Variants in PCDH9 observed in about 807,000 individuals in gnomAD.
PCDH9 encodes protocadherin-9.
Under a neutral mutation model 70.6 loss-of-function variants are expected in PCDH9, and 24 were observed. The ratio of observed to expected loss-of-function variants is 0.34; its 90% CI spans 0.25 to 0.48. The LOEUF (loss-of-function observed/expected upper bound fraction) is 0.48, where lower values mean the gene tolerates loss of function less well. Among genes scored for constraint, PCDH9 ranks in the 20% least tolerant of loss-of-function variants. The pLI is 0.99. For missense variants in PCDH9, 1,281 were observed against 1,503.6 expected, an observed-to-expected ratio of 0.85 and a Z score of 2.45; for synonymous variants, 562 against 558.5, an observed-to-expected ratio of 1.01 and a Z score of -0.09.
intron 3 of PCDH9, among the ~76,000 whole-genome samples, chr13:66,740,404 G>A (rs978894771): frequency 1.0e-5 from 1 of 99,794 alleles, no homozygotes; most frequent in Non-Finnish European, 2.1e-5. Flanking sequence ...ATCCAAAATT[G>A]ACACCCTAAC....
chr13:66,950,986 C>G (rs1017802318), intron 2 of PCDH9, among the ~76,000 whole-genome samples: 1 of 151,928 alleles, frequency 6.6e-6, no homozygotes, highest in Non-Finnish European at 1.5e-5. Flanking sequence ...TGAATTTTAT[C>G]ATTTAATTTA....
rs1341406078 is a variant in PCDH9, at chr13:67,226,081, A to G, written c.2360T>C (p.Leu787Ser). Residue 787 changes from leucine (L) to serine (S), a missense_variant, in exon 2 of 5, where the codon TTG (leucine) becomes TCG (serine). Leu to Ser is a moderately radical substitution (Grantham distance 145). Transcript: ENST00000377865. The surrounding 1 kb of genome is among the most constrained non-coding windows in gnomAD (Gnocchi z 5.0). ...TAGNASYIYD[L>S]IRRTMETPLD... ...CGGGGTCTCCATAGTCCTGCGGATC[A>G]AGTCATAGATATAGGAGGCATTTCC... 5 of 1,613,978 alleles carry G rather than the reference A, an allele frequency of 3.1e-6. No homozygotes were observed. Among genetic ancestry groups the G allele is most frequent in the Non-Finnish European group, 4.2e-6 (5 of 1,179,998 alleles).
At chr13:66,376,440 C>T (rs2138229756) in intron 4 of PCDH9, among the ~76,000 whole-genome samples, 1 of 151,940 alleles carries the variant, frequency 6.6e-6, no homozygotes, top group African/African-American at 2.4e-5. Flanking sequence ...TCTTTTTTTG[C>T]AGTTGTTCTC....
chr13:67,000,501 A>T (rs1473829624), intron 2 of PCDH9, among the ~76,000 whole-genome samples: 3 of 151,904 alleles, frequency 2.0e-5, no homozygotes, highest in African/African-American at 7.2e-5. Flanking sequence ...ATAAAATAAA[A>T]AAAAGACTTT....
intron 3 of PCDH9, among the ~76,000 whole-genome samples, chr13:66,749,361 G>A (rs1011485218): frequency 5.3e-5 from 8 of 152,234 alleles, no homozygotes; most frequent in Non-Finnish European, 7.4e-5. Flanking sequence ...TGCACCCACC[G>A]CAGGAGGAAT....
chr13:66,654,536 T>C (rs965989750), intron 3 of PCDH9, among the ~76,000 whole-genome samples: 6 of 152,190 alleles, frequency 3.9e-5, no homozygotes, highest in African/African-American at 1.4e-4. Context: ...GTTATCCTGA[T>C]GTGATTATTA....
intron 2 of PCDH9, among the ~76,000 whole-genome samples, chr13:66,974,886 T>C (rs1306562187): frequency 6.6e-6 from 1 of 152,048 alleles, no homozygotes; most frequent in Non-Finnish European, 1.5e-5. Context: ...TCACCTTTTC[T>C]GCAACAGTGT....
intron 2 of PCDH9, among the ~76,000 whole-genome samples, chr13:67,128,456 G>A (rs1480640722): frequency 3.3e-5 from 5 of 152,070 alleles, no homozygotes; most frequent in Admixed American, 2.0e-4. Flanking sequence ...TCAAATAAAT[G>A]GTGTCAAAGG....
chr13:66,582,922 A>G (rs2138786567), intron 4 of PCDH9, among the ~76,000 whole-genome samples: 1 of 152,242 alleles, frequency 6.6e-6, no homozygotes, highest in South Asian at 2.1e-4. Flanking sequence ...TCGTGAATAT[A>G]AATCCTCTAT....
intron 4 of PCDH9, among the ~76,000 whole-genome samples, chr13:66,494,734 A>T (rs1161543225): frequency 6.6e-6 from 1 of 152,140 alleles, no homozygotes; most frequent in East Asian, 1.9e-4. Flanking sequence ...TCACAAGATA[A>T]CTGACCTGGT....
intron 3 of PCDH9, among the ~76,000 whole-genome samples, chr13:66,841,017 T>A (rs1269816319): frequency 1.3e-5 from 2 of 152,198 alleles, no homozygotes; most frequent in Non-Finnish European, 2.9e-5. Flanking sequence ...TCTCTCTGAA[T>A]TCTCATGTAA....
chr13:66,808,747 G>T (rs546491604), intron 3 of PCDH9, among the ~76,000 whole-genome samples: 52 of 152,226 alleles, frequency 3.4e-4, no homozygotes, highest in Middle Eastern at 6.8e-3. Flanking sequence ...AATACTATTA[G>T]TCATTGTTAC....
intron 4 of PCDH9, among the ~76,000 whole-genome samples, chr13:66,414,639 G>A (rs1000919330): frequency 6.6e-6 from 1 of 152,140 alleles, no homozygotes; most frequent in Non-Finnish European, 1.5e-5. Flanking sequence ...TATAGTTTTT[G>A]CAGGATGCTA....
intron 2 of PCDH9, among the ~76,000 whole-genome samples, chr13:67,121,570 TTTTACATATTATCAGGAATCTCGAG>T: frequency 6.6e-6 from 1 of 152,200 alleles, no homozygotes; most frequent in Non-Finnish European, 1.5e-5. Flanking sequence ...TACTAATCTT[TTTTACATATTATCAGGAATCTCGAG>T]AGAATGCTGC....
intron 2 of PCDH9, chr13:67,208,595 A>C (rs972137027): frequency 2.6e-5 from 4 of 152,194 alleles, no homozygotes; most frequent in African/African-American, 7.2e-5. Context: ...TTGGCACTAC[A>C]GAAAAGTATT....
chr13:67,034,976 T>C (rs1191603377), intron 2 of PCDH9, among the ~76,000 whole-genome samples: 1 of 151,854 alleles, frequency 6.6e-6, no homozygotes, highest in East Asian at 1.9e-4. Flanking sequence ...TCCCAAAATA[T>C]GGCAGTTGTT....
At chr13:66,669,226 T>C (rs1056795717) in intron 3 of PCDH9, among the ~76,000 whole-genome samples, 1 of 152,204 alleles carries the variant, frequency 6.6e-6, no homozygotes, top group African/African-American at 2.4e-5. Context: ...AAGCTAACGC[T>C]ACCTATCTCC....
chr13:66,460,324 A>T (rs1350018408), intron 4 of PCDH9, among the ~76,000 whole-genome samples: 1 of 151,914 alleles, frequency 6.6e-6, no homozygotes, highest in Non-Finnish European at 1.5e-5. Context: ...TCTAATTTGA[A>T]GAGCTTTATC....
At position 66,541,531 on chromosome 13, in the gene PCDH9, G is replaced by T. The variant is rs73193156; in HGVS notation, c.3340+89679C>A. Among the ~76,000 whole-genome samples, 583 of 152,036 alleles carry T rather than the reference G, an allele frequency of 3.8e-3. 6 individuals carry two copies. Among genetic ancestry groups the T allele is most frequent in the African/African-American group, 0.013 (560 of 41,486 alleles). On this transcript the variant is annotated intron_variant, in intron 4 of 4. Coordinates refer to ENST00000377865, the MANE Select transcript of PCDH9 (RefSeq NM_203487.3). ...TGTCGGTGGTTTCTGATGTTGCTTC[G>T]CTTCTGACAGCCTAATTTCAATCTG...
Sources: gnomAD v4.1 joint callset for allele counts (sites outside exome capture counted in the v4.1 genomes callset) on GRCh38, gnomAD v4.1.1 for gene constraint, Gnocchi (gnomAD v3.1) non-coding constraint, MANE v1.5 for transcripts, NCBI Gene and HGNC (gene_info 2026-07-23, HGNC 2026-07-21) for gene names.